Variants in PCDHGB5 observed in about 807,000 individuals in gnomAD.
PCDHGB5 encodes protocadherin gamma subfamily B, 5.
A neutral mutation model predicts 62.9 loss-of-function variants in PCDHGB5; 48 were observed. The observed-to-expected ratio is 0.76, with a 90% confidence interval of 0.61 to 0.97. PCDHGB5 has a LOEUF of 0.97. Ranked by LOEUF, PCDHGB5 falls within the 50% of genes least tolerant of loss-of-function variation. The pLI is 0.00. For missense variants in PCDHGB5, 1,118 were observed against 1,198.6 expected (o/e 0.93, Z 0.99); for synonymous variants, 474 against 511.2 (o/e 0.93, Z 0.98).
At chr5:141,454,320 C>G (rs140074578) in intron 1 of PCDHGB5, among the ~76,000 whole-genome samples, 4 of 152,148 alleles carry the variant, frequency 2.6e-5, no homozygotes, top group Admixed American at 2.6e-4. Context: ...ATTGAAACCT[C>G]CAAGAATAAA....
chr5:141,484,096 G>A (rs539388257), intron 1 of PCDHGB5, among the ~76,000 whole-genome samples: 1 of 152,126 alleles, frequency 6.6e-6, no homozygotes, highest in South Asian at 2.1e-4. Flanking sequence ...GTCTTCGTTG[G>A]TAATTAACAA....
chr5:141,461,040 G>A (rs536064886), intron 1 of PCDHGB5, among the ~76,000 whole-genome samples: 123 of 150,514 alleles, frequency 8.2e-4, no homozygotes, highest in East Asian at 2.5e-3. Flanking sequence ...CTCATTAGTC[G>A]ATGGGGACTT....
At chr5:141,479,798 G>A (rs892288776) in intron 1 of PCDHGB5, among the ~76,000 whole-genome samples, 3 of 152,116 alleles carry the variant, frequency 2.0e-5, no homozygotes, top group African/African-American at 7.2e-5. Flanking sequence ...ATTAATTCAG[G>A]GTGGTATGCA....
intron 1 of PCDHGB5, chr5:141,415,857 T>G (rs1271614762): frequency 1.7e-6 from 2 of 1,194,900 alleles, no homozygotes; most frequent in Non-Finnish European, 2.2e-6. Flanking sequence ...AACCTTGTAG[T>G]TTATAGTGTT....
intron 1 of PCDHGB5, chr5:141,404,104 T>C (rs2094485215): frequency 1.2e-6 from 2 of 1,613,640 alleles, no homozygotes; most frequent in East Asian, 2.2e-5. Flanking sequence ...AAGTTGTCTG[T>C]TCTATCCAGG....
intron 1 of PCDHGB5, among the ~76,000 whole-genome samples, chr5:141,469,189 T>C (rs1393685141): frequency 2.6e-5 from 4 of 151,710 alleles, no homozygotes; most frequent in African/African-American, 9.7e-5. Flanking sequence ...GGCAAGAGGA[T>C]TGCTTGAGCC....
At chr5:141,439,207 C>A (rs1003519997) in intron 1 of PCDHGB5, among the ~76,000 whole-genome samples, 1 of 149,828 alleles carries the variant, frequency 6.7e-6, no homozygotes, top group Non-Finnish European at 1.5e-5. Context: ...AAAAAAAAAT[C>A]CATATGTGAA....
chr5:141,413,019 C>A (rs1056458163), intron 1 of PCDHGB5: 24 of 683,104 alleles, frequency 3.5e-5, no homozygotes, highest in Non-Finnish European at 5.2e-5. Flanking sequence ...ACTACACAAG[C>A]CCCACAAACC....
intron 1 of PCDHGB5, chr5:141,416,276 A>G (rs553989511): frequency 6.6e-6 from 1 of 152,388 alleles, no homozygotes; most frequent in East Asian, 1.9e-4. Context: ...TTTTGCATAC[A>G]ATTCTCTAAT....
At chr5:141,441,793 C>T (rs961624726) in intron 1 of PCDHGB5, 7 of 391,390 alleles carry the variant, frequency 1.8e-5, no homozygotes, top group Non-Finnish European at 3.6e-5. Flanking sequence ...AATGACAACG[C>T]ACCGCGGGTG....
intron 1 of PCDHGB5, chr5:141,430,966 A>G: frequency 1.2e-6 from 2 of 1,612,916 alleles, no homozygotes. Context: ...TCATCCCCAG[A>G]GGTAGGACGC....
chr5:141,505,342 T>C (rs2099845433), intron 2 of PCDHGB5, 51 bp from the exon 3 acceptor site: 1 of 1,612,738 alleles, frequency 6.2e-7, no homozygotes, highest in African/African-American at 1.3e-5. Flanking sequence ...AGGAGGGGCA[T>C]GAGCTGTGCC....
chr5:141,453,888 C>T (rs1273180395), intron 1 of PCDHGB5, among the ~76,000 whole-genome samples: 2 of 152,198 alleles, frequency 1.3e-5, no homozygotes, highest in East Asian at 1.9e-4. Flanking sequence ...TGTGGCCAAT[C>T]ACATGACTTC....
At chr5:141,410,049 T>A in intron 1 of PCDHGB5, 1 of 1,613,184 alleles carries the variant, frequency 6.2e-7, no homozygotes, top group Admixed American at 1.7e-5. Flanking sequence ...GAGCCCGGAC[T>A]CTTCAGCCTG....
chr5:141,414,870 G>A (rs1325555474), intron 1 of PCDHGB5: 1 of 1,614,224 alleles, frequency 6.2e-7, no homozygotes, highest in Non-Finnish European at 8.5e-7. Context: ...ATGCGCCCGA[G>A]ATCCTGTACC....
chr5:141,440,572 GT>G (rs1233263525), intron 1 of PCDHGB5: 1 of 152,200 alleles, frequency 6.6e-6, no homozygotes, highest in Non-Finnish European at 1.5e-5. Context: ...GTATCTCTGA[GT>G]TTACCCAGCT....
At chr5:141,413,767 C>A in intron 1 of PCDHGB5, 1 of 1,612,972 alleles carries the variant, frequency 6.2e-7, no homozygotes, top group South Asian at 1.1e-5. Flanking sequence ...GTACCCGGAG[C>A]TGGTACTGGA....
chr5:141,511,267 C>A lies in PCDHGB5; in HGVS notation c.*94C>A, dbSNP rs1223074819. The A allele has an allele frequency of 6.5e-7, 1 of 1,549,404 alleles. No individual in the cohort carries two copies. Among genetic ancestry groups the A allele is most frequent in the Non-Finnish European group, 8.7e-7 (1 of 1,146,836 alleles). Reference sequence around the variant, plus strand: ...CCAGGCCTCAGAGTTTCAGGGCTAACCCCCAGAATACTGGTAGGGGCCAAG... The same window carrying A: ...CCAGGCCTCAGAGTTTCAGGGCTAAACCCCAGAATACTGGTAGGGGCCAAG... On this transcript the variant is annotated 3_prime_UTR_variant, in exon 4 of 4. Coordinates refer to ENST00000617380, the MANE Select transcript of PCDHGB5 (RefSeq NM_018925.3).
At position 141,489,783 on chromosome 5, in the gene PCDHGB5, T is replaced by C; in HGVS notation, c.2398-5024T>C. The C allele has an allele frequency of 6.2e-7, 1 of 1,614,164 alleles. No individual in the cohort carries two copies. On this transcript the variant is annotated intron_variant, in intron 1 of 3. Transcript: ENST00000617380. The surrounding 1 kb of genome is among the most constrained non-coding windows in gnomAD (Gnocchi z 4.5). ...GCCCCAACAGCCACTTCTCTCTGAA[T>C]GTGAAGACCCTAAAAGATGGGAAGC... is the stretch of plus-strand genomic sequence containing the variant.
Sources: gnomAD v4.1 joint callset for allele counts (sites outside exome capture counted in the v4.1 genomes callset) on GRCh38, gnomAD v4.1.1 for gene constraint, Gnocchi (gnomAD v3.1) non-coding constraint, MANE v1.5 for transcripts, NCBI Gene and HGNC (gene_info 2026-07-23, HGNC 2026-07-21) for gene names.